WASHC4: variants seen among roughly 807,000 people sequenced by gnomAD.
WASHC4 encodes WASH complex subunit 4, also known as WASH complex subunit 7.
Under a neutral mutation model 166.6 loss-of-function variants are expected in WASHC4, and 86 were observed. The observed-to-expected ratio is 0.52, with a 90% confidence interval of 0.43 to 0.62. The LOEUF (loss-of-function observed/expected upper bound fraction) is 0.62, where lower values mean the gene tolerates loss of function less well. WASHC4 is among the 20% of genes least tolerant of loss of function. The probability of loss-of-function intolerance (pLI) is 0.00; values close to 1 mark genes in which losing one functional copy is unlikely to be tolerated. For synonymous variants in WASHC4, 446 were observed against 451.6 expected (o/e 0.99, Z 0.16); for missense variants, 1,262 against 1,382.4 (o/e 0.91, Z 1.38).
chr12:105,114,553 A>C (rs945879015), intron 4 of WASHC4, 126 bp downstream of exon 4: 2 of 697,132 alleles, frequency 2.9e-6, no homozygotes, highest in Admixed American at 4.7e-5. Context: ...TTAACGTAAT[A>C]CTAATACGGA....
chr12:105,132,373 T>C (rs1348036883), intron 13 of WASHC4, among the ~76,000 whole-genome samples: 1 of 152,172 alleles, frequency 6.6e-6, no homozygotes, highest in Non-Finnish European at 1.5e-5. Context: ...GGTTTCACCA[T>C]GTTGGCGAGG....
chr12:105,138,383 C>T (rs1882507705), intron 15 of WASHC4, among the ~76,000 whole-genome samples: 1 of 150,624 alleles, frequency 6.6e-6, no homozygotes, highest in African/African-American at 2.4e-5. Context: ...AACAGCTTGT[C>T]TACCATTATC....
chr12:105,148,958 A>C (rs1444842398), intron 24 of WASHC4: 1 of 984,846 alleles, frequency 1.0e-6, no homozygotes, highest in Non-Finnish European at 1.2e-6. Context: ...GCTTTTTGTT[A>C]TTTATTGTCA....
intron 28 of WASHC4, among the ~76,000 whole-genome samples, chr12:105,159,793 T>G (rs1884381792): frequency 6.6e-6 from 1 of 152,232 alleles, no homozygotes; most frequent in Non-Finnish European, 1.5e-5. Flanking sequence ...GTTCTAATAG[T>G]CTATTTTTGG....
intron 32 of WASHC4, 102 bp downstream of exon 32, chr12:105,164,842 T>C (rs998647894): frequency 8.8e-6 from 7 of 793,216 alleles, no homozygotes; most frequent in Non-Finnish European, 1.5e-5. Flanking sequence ...TTTGTCCTTT[T>C]GGAAAATAAC....
At chr12:105,113,722 T>G (rs1169868529) in intron 2 of WASHC4, among the ~76,000 whole-genome samples, 1 of 152,070 alleles carries the variant, frequency 6.6e-6, no homozygotes, top group African/African-American at 2.4e-5. Context: ...AGGTGGAAAT[T>G]GAACGGGCTT....
At chr12:105,110,726 T>C (rs1355860100) in intron 1 of WASHC4, among the ~76,000 whole-genome samples, 1 of 152,134 alleles carries the variant, frequency 6.6e-6, no homozygotes, top group Admixed American at 6.5e-5. Context: ...TGACAGACTG[T>C]TTTTTTCACC....
chr12:105,121,748 C>T (rs1009566409), intron 9 of WASHC4, among the ~76,000 whole-genome samples: 6 of 152,130 alleles, frequency 3.9e-5, no homozygotes, highest in East Asian at 1.9e-4. Context: ...CCTCATGATC[C>T]GCCCGCCTTG....
chr12:105,109,710 C>T (rs189118664), intron 1 of WASHC4, among the ~76,000 whole-genome samples: 41 of 141,678 alleles, frequency 2.9e-4, no homozygotes, highest in South Asian at 6.9e-4. Flanking sequence ...GCCGTGGCAT[C>T]GCCACGGCTC....
At chr12:105,126,416 A>G in intron 12 of WASHC4, 54 bp downstream of exon 12, 1 of 1,331,714 alleles carries the variant, frequency 7.5e-7, no homozygotes, top group East Asian at 2.3e-5. Context: ...GATTGCAGAT[A>G]AAACTAAATA....
rs1219110056 is a variant in WASHC4 at position 105,149,610 on chromosome 12, TA to T, written c.2515-4del. ...TTTTCAACTTTTTGAATTTTAATTTTATAGGTTAATTTCACCTACCAGTTTT... is the reference window on the plus strand; with the variant it reads ...TTTTCAACTTTTTGAATTTTAATTTTTAGGTTAATTTCACCTACCAGTTTT... On this transcript the variant is annotated splice_region_variant and splice_polypyrimidine_tract_variant and intron_variant, in intron 24 of 32. Coordinates refer to ENST00000332180, the MANE Select transcript of WASHC4 (RefSeq NM_015275.3). 1 of 1,406,270 alleles carries T rather than the reference TA, an allele frequency of 7.1e-7. No individual in the cohort carries two copies. Among genetic ancestry groups the T allele is most frequent in the South Asian group, 1.2e-5 (1 of 81,662 alleles). The allele number at this position is 1,406,270 out of a possible 1,614,324, so 87.1% of individuals were successfully genotyped here.
rs1244816309 is a variant in WASHC4, at chr12:105,107,759, C to T, written c.-42C>T. 5.4e-6 allele frequency: 8 copies of T among 1,480,372 alleles called. No homozygotes were observed. Among genetic ancestry groups the T allele is most frequent in the East Asian group, 2.5e-5 (1 of 40,084 alleles). 91.7% of individuals were successfully genotyped at this position (1,480,372 alleles called of 1,614,324 possible). A position where few individuals can be genotyped will look rare whatever the true frequency, so the allele number is the denominator to read the frequency against. On this transcript the variant is annotated 5_prime_UTR_variant, in exon 1 of 33. Coordinates refer to ENST00000332180, the MANE Select transcript of WASHC4 (RefSeq NM_015275.3). ...AGCTGGGGTGAGGCCGTCGTCGCCG[C>T]ACGGGCTGGTTGGGGCTGTGTCTGT...
rs771747575 is a variant in WASHC4, at chr12:105,166,923, G to A, written c.3514G>A (p.Val1172Met). The part of the protein sequence containing the change: ...SDSTVSADPV[V>M]K ...CAGCACTGTGTCTGCTGATCCTGTT[G>A]TGAAATGATACGGATGGTATTCACT... Residue 1172 changes from valine (V) to methionine (M), a missense_variant, in exon 33 of 33, where the codon GTG (valine) becomes ATG (methionine). By Grantham distance (21) the Val-to-Met change is conservative. Coordinates refer to ENST00000332180, the MANE Select transcript of WASHC4 (RefSeq NM_015275.3). 2 of 1,600,810 alleles carry A rather than the reference G, an allele frequency of 1.2e-6. No individual in the cohort carries two copies. The highest frequency in any genetic ancestry group is 1.7e-6 in the Non-Finnish European group (2 of 1,171,710).
At chr12:105,143,383 A>G (rs974051968) in intron 20 of WASHC4, 140 bp downstream of exon 20, 2 of 613,986 alleles carry the variant, frequency 3.3e-6, no homozygotes, top group African/African-American at 1.8e-5. Flanking sequence ...ATTTTTAGTT[A>G]CAATATCACT....
intron 13 of WASHC4, among the ~76,000 whole-genome samples, chr12:105,130,294 C>CA (rs1881680670): frequency 6.6e-6 from 1 of 152,220 alleles, no homozygotes. Flanking sequence ...GCCTCTGCAG[C>CA]AGGTAGCATT....
At chr12:105,149,831 A>G (rs1294868808) in intron 25 of WASHC4, 82 bp downstream of exon 25, 3 of 1,362,194 alleles carry the variant, frequency 2.2e-6, no homozygotes, top group East Asian at 2.4e-5. Flanking sequence ...CATTATTTAG[A>G]TCTCTATTGG....
intron 1 of WASHC4, among the ~76,000 whole-genome samples, chr12:105,109,838 G>A (rs1879489173): frequency 6.6e-6 from 1 of 151,844 alleles, no homozygotes; most frequent in African/African-American, 2.4e-5. Flanking sequence ...TTGAACTCCT[G>A]GTCTCAAGCG....
In WASHC4 at chr12:105,144,367, A is replaced by G. The variant is rs1883116972; in HGVS notation, c.2091A>G (p.Arg697=). ...SVHTHLKLDD[R]NPFKVGMKDL... is the part of the protein sequence containing the mutation. ...ATACTCATTTAAAGCTGGATGACCG[A>G]AACCCTTTCAAAGTTGGCATGAAAG... Residue 697 remains arginine, a synonymous_variant, in exon 21 of 33, where the codon CGA becomes CGG. Transcript: ENST00000332180. The G allele has an allele frequency of 6.2e-7, 1 of 1,613,566 alleles. No individual in the cohort carries two copies.
Position 105,149,749 on chromosome 12 carries a change from G to C in WASHC4, c.2649G>C (p.Lys883Asn). The stretch of plus-strand genomic sequence containing the variant: ...AAATTAAGGACCAAAATGATCATAA[G>C]GTAGGCTACCTATTCTTTTTAAGGT... ...FREIKDQNDH[K>N]YPFDRAEKFN... Residue 883 changes from lysine to asparagine, a missense_variant and splice_region_variant, in exon 25 of 33, where the codon AAG becomes AAC. Coordinates refer to ENST00000332180, the MANE Select transcript of WASHC4 (RefSeq NM_015275.3). 1 of 1,594,560 alleles carries C rather than the reference G, an allele frequency of 6.3e-7. No individual in the cohort carries two copies. The highest frequency in any genetic ancestry group is 8.6e-7 in the Non-Finnish European group (1 of 1,166,098).
Sources: allele counts gnomAD v4.1 joint callset (sites outside exome capture counted in the v4.1 genomes callset), GRCh38; gene constraint gnomAD v4.1.1; transcripts MANE v1.5; gene names NCBI Gene and HGNC (gene_info 2026-07-23, HGNC 2026-07-21).